The following TNFAIP2 variants were observed in gnomAD, a reference collection of about 807,000 sequenced individuals.
TNFAIP2 encodes the protein TNF alpha induced protein 2.
TNFAIP2 carries 47 observed loss-of-function variants against 63.5 expected under a neutral mutation model. The ratio of observed to expected loss-of-function variants is 0.74; its 90% CI spans 0.59 to 0.94. The LOEUF is 0.94. Among genes scored for constraint, TNFAIP2 ranks in the 40% least tolerant of loss-of-function variants. TNFAIP2 has a pLI of 0.00. For missense variants in TNFAIP2, 787 were observed against 850.2 expected (o/e 0.93, Z 0.92); for synonymous variants, 405 against 390.2 (o/e 1.04, Z -0.45).
intron 2 of TNFAIP2, 80 bp downstream of exon 2, chr14:103,126,772 C>A: frequency 7.0e-7 from 1 of 1,420,080 alleles, no homozygotes; most frequent in South Asian, 1.4e-5. Flanking sequence ...GCCACTTGCA[C>A]AGTGGGCCGG....
In TNFAIP2 at chr14:103,133,515, C is replaced by G; in HGVS notation, c.1699C>G (p.His567Asp). The part of the protein sequence containing the change: ...ADTIQHFCTQ[H>D]GSPATWLQPA... ...CACCATCCAGCACTTCTGCACCCAG[C>G]ACGTAAGCCGCTGCCCACCTCTCCC... Residue 567 changes from histidine to aspartate, a missense_variant and splice_region_variant, in exon 10 of 12, where the codon CAC becomes GAC. His to Asp is a moderately conservative substitution (Grantham distance 81). Transcript: ENST00000560869. The G allele has an allele frequency of 6.2e-7, 1 of 1,613,162 alleles. No individual in the cohort carries two copies. The highest frequency in any genetic ancestry group is 2.2e-5 in the East Asian group (1 of 44,882).
rs1228640442 is a variant in TNFAIP2, at chr14:103,135,987, C to T, written c.*627C>T. 6 of 1,288,940 alleles carry T rather than the reference C, an allele frequency of 4.7e-6. No individual in the cohort carries two copies. Among genetic ancestry groups the T allele is most frequent in the African/African-American group, 1.5e-5 (1 of 65,872 alleles). 79.8% of individuals were successfully genotyped at this position (1,288,940 alleles called of 1,614,324 possible). A position where few individuals can be genotyped will look rare whatever the true frequency, so the allele number is the denominator to read the frequency against. On this transcript the variant is annotated 3_prime_UTR_variant, in exon 12 of 12. Transcript: ENST00000560869. The surrounding 1 kb of genome is among the most constrained non-coding windows in gnomAD (Gnocchi z 7.6). ...GCCCCACGGCCCCTACAGGCTGGCC[C>T]TGCAATGGGGCCCTGAGCCCTCCCT...
chr14:103,130,804 C>G (rs1481921093), intron 6 of TNFAIP2, among the ~76,000 whole-genome samples: 1 of 152,204 alleles, frequency 6.6e-6, no homozygotes, highest in Non-Finnish European at 1.5e-5. Flanking sequence ...CACGCTCACT[C>G]CTACCTGGTC....
At position 103,130,218 on chromosome 14, in the gene TNFAIP2, C is replaced by T; in HGVS notation, c.1098+94C>T. On this transcript the variant is annotated intron_variant, in intron 5 of 11. Coordinates refer to ENST00000560869, the MANE Select transcript of TNFAIP2 (RefSeq NM_006291.4). ...GTCCTGTGTGCATACCCATGCCCAC[C>T]TCGGGGCACCCCCTCTGTTCCCGCC... 3.9e-6 allele frequency: 6 copies of T among 1,538,406 alleles called. No homozygotes were observed. The South Asian group carries it at 6.0e-5, about 15-fold the overall frequency.
Position 103,127,696 on chromosome 14 carries a change from GGTGTCGAGGT to G in TNFAIP2, c.860+71_860+80del, listed in dbSNP as rs1028348347. 5.0e-6 allele frequency: 7 copies of G among 1,398,034 alleles called. No homozygotes were observed. The African/African-American group carries it at 8.7e-5, about 17-fold the overall frequency. The allele number at this position is 1,398,034 out of a possible 1,614,324, so 86.6% of individuals were successfully genotyped here. On this transcript the variant is annotated intron_variant, in intron 3 of 11. Coordinates refer to ENST00000560869, the MANE Select transcript of TNFAIP2 (RefSeq NM_006291.4). This position sits in a 1 kb window ranked among gnomAD's most constrained non-coding sequence, Gnocchi z 5.1. ...GTCCTCTGTAGGAGGGGTGTCGAGG[GGTGTCGAGGT>G]GTGCCGCCGGCAGCTTTTAGTGAGG...
Position 103,135,953 on chromosome 14 carries a change from A to G in TNFAIP2, c.*593A>G. 1 of 1,289,650 alleles carries G rather than the reference A, an allele frequency of 7.8e-7. No homozygotes were observed. The highest frequency in any genetic ancestry group is 1.0e-6 in the Non-Finnish European group (1 of 988,988). 79.9% of individuals were successfully genotyped at this position (1,289,650 alleles called of 1,614,324 possible). On this transcript the variant is annotated 3_prime_UTR_variant, in exon 12 of 12. Coordinates refer to ENST00000560869, the MANE Select transcript of TNFAIP2 (RefSeq NM_006291.4). This position sits in a 1 kb window ranked among gnomAD's most constrained non-coding sequence, Gnocchi z 7.6. ...GAGCACCGCCAGCATTAGACGTCAC[A>G]TCCAGGTGGCCCCACGGCCCCTACA...
chr14:103,129,984 C>T lies in TNFAIP2; in HGVS notation c.976-18C>T, dbSNP rs758291142. The T allele has an allele frequency of 1.2e-6, 2 of 1,610,608 alleles. No homozygotes were observed. The highest frequency in any genetic ancestry group is 1.7e-6 in the Non-Finnish European group (2 of 1,179,538). ...AGGTGAGGGATAGTGCCCCAGTGAC[C>T]TGCCCCTCCTCCTCCAGGCCAATGT... is the stretch of plus-strand genomic sequence containing the variant. On this transcript the variant is annotated intron_variant, in intron 4 of 11. Transcript: ENST00000560869.
At chr14:103,133,551 G>C in intron 10 of TNFAIP2, 34 bp downstream of exon 10, 1 of 1,606,826 alleles carries the variant, frequency 6.2e-7, no homozygotes, top group Admixed American at 1.7e-5. Context: ...AAGCCCCTCT[G>C]AAATGGCTGC....
At position 103,132,868 on chromosome 14, in the gene TNFAIP2, G is replaced by A. The variant is rs769342822; in HGVS notation, c.1541G>A (p.Arg514Gln). 13 of 1,613,704 alleles carry A rather than the reference G, an allele frequency of 8.1e-6. No individual in the cohort carries two copies. Among genetic ancestry groups the A allele is most frequent in the South Asian group, 2.2e-5 (2 of 90,908 alleles). The change falls in exon 9 of 12, where the codon CGG (arginine) becomes CAG (glutamine). Residue 514 changes from arginine to glutamine, a missense_variant. Physicochemically the swap from Arg to Gln is conservative, Grantham distance 43. This residue lies in a region of TNFAIP2 where 523 missense variants were observed against 604.1 expected (regional missense o/e 0.87). Transcript: ENST00000560869. ...TTCTCAGAGCTGCAGGGCTGTTTCC[G>A]GGAGGTGAGGAGGCTCTGGGCTGGT... ...PEFSELQGCFREELMEALHLH... is the reference protein window; with the variant it reads ...PEFSELQGCFQEELMEALHLH...
chr14:103,132,659 G>A (rs1226609546), intron 8 of TNFAIP2, 91 bp from the exon 9 acceptor site: 3 of 1,521,170 alleles, frequency 2.0e-6, no homozygotes, highest in Admixed American at 2.0e-5. Context: ...ACATGTGTCG[G>A]TGTGTGTCTG....
chr14:103,123,103 G>A, upstream of TNFAIP2: 1 of 256,438 alleles, frequency 3.9e-6, no homozygotes, highest in Non-Finnish European at 8.1e-6. Context: ...TGTGACGCGG[G>A]AACGCGGCCA....
At chr14:103,130,545 G>C in intron 6 of TNFAIP2, 130 bp downstream of exon 6, 1 of 912,340 alleles carries the variant, frequency 1.1e-6, no homozygotes, top group Non-Finnish European at 1.7e-6. Flanking sequence ...TCTGAGCCAG[G>C]AGTTGTTTCC....
intron 11 of TNFAIP2, among the ~76,000 whole-genome samples, chr14:103,134,309 G>C (rs1489894734): frequency 6.6e-6 from 1 of 152,204 alleles, no homozygotes; most frequent in Non-Finnish European, 1.5e-5. Flanking sequence ...GTTGACCCCA[G>C]CTTCGCCAAG....
intron 9 of TNFAIP2, 108 bp from the exon 10 acceptor site, chr14:103,133,254 G>A: frequency 1.4e-6 from 2 of 1,396,886 alleles, no homozygotes; most frequent in Non-Finnish European, 1.9e-6. Flanking sequence ...GCAGTCTTTT[G>A]CTCTGGCATC....
Position 103,135,150 on chromosome 14 carries a change from G to A in TNFAIP2, c.1824-69G>A, listed in dbSNP as rs768076962. 5 of 1,604,202 alleles carry A rather than the reference G, an allele frequency of 3.1e-6. No homozygotes were observed. Among genetic ancestry groups the A allele is most frequent in the Non-Finnish European group, 4.3e-6 (5 of 1,172,312 alleles). ...CTGTCGGGCCCTGTGGCACTGGCCG[G>A]GAGTGCAGGGAGCTGGTGAGTAGGG... On this transcript the variant is annotated intron_variant, in intron 11 of 11. Coordinates refer to ENST00000560869, the MANE Select transcript of TNFAIP2 (RefSeq NM_006291.4). The surrounding 1 kb of genome is among the most constrained non-coding windows in gnomAD (Gnocchi z 7.6).
Position 103,129,868 on chromosome 14 carries a change from T to G in TNFAIP2, c.975+14T>G. On this transcript the variant is annotated intron_variant, in intron 4 of 11. Coordinates refer to ENST00000560869, the MANE Select transcript of TNFAIP2 (RefSeq NM_006291.4). Reference sequence around the variant, plus strand: ...TCCAGTGAGGCGGTGAGTCTCCACCTGGGCCAGGGAGGGGCAGGGAGGCAG... The same window carrying G: ...TCCAGTGAGGCGGTGAGTCTCCACCGGGGCCAGGGAGGGGCAGGGAGGCAG... 1 of 1,611,718 alleles carries G rather than the reference T, an allele frequency of 6.2e-7. No individual in the cohort carries two copies. The highest frequency in any genetic ancestry group is 8.5e-7 in the Non-Finnish European group (1 of 1,178,204).
chr14:103,127,243 GGC>G lies in TNFAIP2; in HGVS notation c.476_477del (p.Ala159GlyfsTer129). ...ERLRQALAVV[A>X]EQEREDRQAA... ...GGCTGCGCCAGGCGCTGGCCGTGGTGGCGGAGCAGGAGCGCGAGGACCGCCAG... is the reference window on the plus strand; with the variant it reads ...GGCTGCGCCAGGCGCTGGCCGTGGTGGGAGCAGGAGCGCGAGGACCGCCAG... On this transcript the variant is annotated frameshift_variant, in exon 3 of 12. Coordinates refer to ENST00000560869, the MANE Select transcript of TNFAIP2 (RefSeq NM_006291.4). LOFTEE classifies it high-confidence loss of function. This position sits in a 1 kb window ranked among gnomAD's most constrained non-coding sequence, Gnocchi z 5.1. 1 of 1,062,704 alleles carries G rather than the reference GGC, an allele frequency of 9.4e-7. No homozygotes were observed. Among genetic ancestry groups the G allele is most frequent in the South Asian group, 3.0e-5 (1 of 33,208 alleles). 65.8% of individuals were successfully genotyped at this position (1,062,704 alleles called of 1,614,324 possible). A position where few individuals can be genotyped will look rare whatever the true frequency, so the allele number is the denominator to read the frequency against.
chr14:103,133,868 C>A, intron 11 of TNFAIP2, 65 bp downstream of exon 11: 1 of 1,519,524 alleles, frequency 6.6e-7, no homozygotes, highest in Non-Finnish European at 8.7e-7. Context: ...ACAGGGCTGG[C>A]ATTGGGAACC....
At chr14:103,122,276 C>T (rs1342927498), upstream of TNFAIP2, among the ~76,000 whole-genome samples, 1 of 152,208 alleles carries the variant, frequency 6.6e-6, no homozygotes, top group African/African-American at 2.4e-5. Context: ...AGGAAGTTCT[C>T]AGTTCCCAGG....
Sources: gnomAD v4.1 joint callset for allele counts (sites outside exome capture counted in the v4.1 genomes callset) on GRCh38, gnomAD v4.1.1 for gene constraint, gnomAD v4.1.1 regional missense constraint, Gnocchi (gnomAD v3.1) non-coding constraint, MANE v1.5 for transcripts, NCBI Gene and HGNC (gene_info 2026-07-23, HGNC 2026-07-21) for gene names.